The following UNC13C variants were observed in gnomAD, a reference collection of about 807,000 sequenced individuals.
The protein encoded by UNC13C is protein unc-13 homolog C.
UNC13C carries 174 observed loss-of-function variants against 245.4 expected under a neutral mutation model. The ratio of observed to expected loss-of-function variants is 0.71; its 90% CI spans 0.63 to 0.80. The LOEUF (loss-of-function observed/expected upper bound fraction) is 0.80, where lower values mean the gene tolerates loss of function less well. UNC13C is among the 30% of genes least tolerant of loss of function. UNC13C has a pLI of 0.00. For synonymous variants in UNC13C, 992 were observed against 895.1 expected (o/e 1.11, Z -1.93); for missense variants, 2,829 against 2,602.9 (o/e 1.09, Z -1.89).
At chr15:54,002,882 T>C (rs10459615) in intron 1 of UNC13C, among the ~76,000 whole-genome samples, 70,158 of 152,130 alleles carry the variant, frequency 0.46, 18,112 homozygotes, top group Non-Finnish European at 0.58. Context: ...GTGATTGCTA[T>C]AGAGGAAAGG....
chr15:54,358,199 C>G (rs2140857850), intron 17 of UNC13C, among the ~76,000 whole-genome samples: 1 of 152,120 alleles, frequency 6.6e-6, no homozygotes, highest in South Asian at 2.1e-4. Context: ...TATGCCATTA[C>G]CATGCTGTTT....
At chr15:54,204,003 G>T (rs111409972) in intron 4 of UNC13C, among the ~76,000 whole-genome samples, 4,499 of 151,504 alleles carry the variant, frequency 0.03, 219 homozygotes, top group African/African-American at 0.1. Flanking sequence ...CAACAACCTG[G>T]TTGGAATTGG....
At chr15:54,063,849 T>C (rs1897954894) in intron 2 of UNC13C, among the ~76,000 whole-genome samples, 2 of 152,134 alleles carry the variant, frequency 1.3e-5, no homozygotes, top group Admixed American at 1.3e-4. Flanking sequence ...GAGTCTGTCA[T>C]TGAGAAGGAG....
intron 7 of UNC13C, among the ~76,000 whole-genome samples, chr15:54,245,808 T>C (rs2035975603): frequency 6.7e-6 from 1 of 149,460 alleles, no homozygotes; most frequent in East Asian, 1.9e-4. Flanking sequence ...ACAAGAAGCA[T>C]TTTTTTTTCT....
At chr15:54,423,204 C>G (rs1201969767) in intron 19 of UNC13C, among the ~76,000 whole-genome samples, 6 of 151,690 alleles carry the variant, frequency 4.0e-5, no homozygotes, top group African/African-American at 1.5e-4. Flanking sequence ...TTATGACCCA[C>G]TGATGGGTTG....
the UNC13C span, among the ~76,000 whole-genome samples, chr15:53,971,875 T>C: frequency 6.6e-6 from 1 of 152,180 alleles, no homozygotes; most frequent in Non-Finnish European, 1.5e-5. Context: ...GTCAAGTACT[T>C]TAAATTTTTA....
chr15:54,588,631 C>T (rs1422642853), intron 30 of UNC13C, among the ~76,000 whole-genome samples: 1 of 152,084 alleles, frequency 6.6e-6, no homozygotes, highest in African/African-American at 2.4e-5. Context: ...TCTTTTATCC[C>T]TACCCCCTTC....
chr15:53,961,089 G>C, the UNC13C span, among the ~76,000 whole-genome samples: 1 of 152,190 alleles, frequency 6.6e-6, no homozygotes, highest in Admixed American at 6.6e-5. Flanking sequence ...ATGGTTCCTA[G>C]GTTTTCCATC....
intron 10 of UNC13C, among the ~76,000 whole-genome samples, chr15:54,289,812 A>G (rs890040794): frequency 6.6e-6 from 1 of 152,048 alleles, no homozygotes; most frequent in Non-Finnish European, 1.5e-5. Context: ...TGGGGGAAAA[A>G]AAAAGCAGTT....
chr15:54,225,090 CT>C (rs1229692970), intron 4 of UNC13C, among the ~76,000 whole-genome samples: 2 of 78,370 alleles, frequency 2.6e-5, no homozygotes, highest in Non-Finnish European at 5.0e-5. Flanking sequence ...TTTTCAATAG[CT>C]TTTTTTCATT....
Position 54,219,449 on chromosome 15 carries a change from C to A in UNC13C, c.3072-15581C>A, listed in dbSNP as rs180805168. Among the ~76,000 whole-genome samples, 588 of 152,100 alleles carry A rather than the reference C, an allele frequency of 3.9e-3. 10 individuals are homozygous for A. The highest frequency in any genetic ancestry group is 2.8e-3 in the Non-Finnish European group (190 of 67,990). On this transcript the variant is annotated intron_variant, in intron 4 of 32. Transcript: ENST00000260323. The stretch of plus-strand genomic sequence containing the variant: ...CTTACACCTTCTACAAAAATTAATT[C>A]AAGATGGATTAAAGACTTAAATGTT...
chr15:54,198,861 A>G (rs1429132354), intron 4 of UNC13C, among the ~76,000 whole-genome samples: 1 of 152,148 alleles, frequency 6.6e-6, no homozygotes, highest in African/African-American at 2.4e-5. Context: ...AATCAAGAAA[A>G]AAATCTCTGA....
At chr15:53,843,002 A>G in the UNC13C span, among the ~76,000 whole-genome samples, 1 of 151,682 alleles carries the variant, frequency 6.6e-6, no homozygotes, top group Non-Finnish European at 1.5e-5. Flanking sequence ...CTAAATAACT[A>G]GAATTTTACT....
chr15:54,204,491 T>C (rs563257829), intron 4 of UNC13C, among the ~76,000 whole-genome samples: 13 of 151,966 alleles, frequency 8.6e-5, no homozygotes, highest in Non-Finnish European at 1.8e-4. Context: ...CAAATGGAGA[T>C]ATTTACCATG....
intron 4 of UNC13C, among the ~76,000 whole-genome samples, chr15:54,208,928 C>A (rs932678203): frequency 6.6e-6 from 1 of 152,140 alleles, no homozygotes; most frequent in Non-Finnish European, 1.5e-5. Context: ...AACCCTTCCT[C>A]TGTGTGACGC....
chr15:54,507,710 G>A (rs1445448305), intron 23 of UNC13C, among the ~76,000 whole-genome samples: 4 of 151,754 alleles, frequency 2.6e-5, no homozygotes, highest in Non-Finnish European at 5.9e-5. Context: ...TTAATCAAAG[G>A]CATAAAGAAA....
At chr15:53,966,325 A>C in the UNC13C span, among the ~76,000 whole-genome samples, 3 of 152,132 alleles carry the variant, frequency 2.0e-5, no homozygotes, top group Non-Finnish European at 4.4e-5. Flanking sequence ...TCTTTTTGTG[A>C]TGTAAACAAC....
intron 27 of UNC13C, among the ~76,000 whole-genome samples, chr15:54,549,299 G>A (rs1896629164): frequency 6.6e-6 from 1 of 152,106 alleles, no homozygotes. Flanking sequence ...GCAGGGAGTA[G>A]AATGAGGAAG....
chr15:53,991,768 T>C (rs1894401871), intron 1 of UNC13C, among the ~76,000 whole-genome samples: 1 of 152,080 alleles, frequency 6.6e-6, no homozygotes, highest in African/African-American at 2.4e-5. Context: ...TTCTGATAGT[T>C]AAACACTACT....
Sources: allele counts gnomAD v4.1 joint callset (sites outside exome capture counted in the v4.1 genomes callset), GRCh38; gene constraint gnomAD v4.1.1; transcripts MANE v1.5; gene names NCBI Gene and HGNC (gene_info 2026-07-23, HGNC 2026-07-21).